The following C1orf146 variants were observed in gnomAD, a reference collection of about 807,000 sequenced individuals.
C1orf146 encodes the protein chromosome 1 open reading frame 146.
A neutral mutation model predicts 23.0 loss-of-function variants in C1orf146; 22 were observed. That is an observed-to-expected ratio of 0.96 (90% confidence interval 0.68 to 1.36). The LOEUF is 1.36. Among genes scored for constraint, C1orf146 ranks in the 40% most tolerant of loss-of-function variants. The pLI, the probability that C1orf146 is intolerant of heterozygous loss-of-function variation, is 0.00. For missense variants in C1orf146, 199 were observed against 206.8 expected, an observed-to-expected ratio of 0.96 and a Z score of 0.23; for synonymous variants, 59 against 65.3, an observed-to-expected ratio of 0.90 and a Z score of 0.47.
rs542635372 is a variant in C1orf146 at position 92,238,406 on chromosome 1, T to C, written c.67-3806T>C. ...AGAGACTTTAATATGCTCAAATGCA[T>C]TGTAAAACCCCAAAAAGAGATGAGA... On this transcript the variant is annotated intron_variant, in intron 2 of 5. Coordinates refer to ENST00000370375, the MANE Select transcript of C1orf146 (RefSeq NM_001012425.2). Among the ~76,000 whole-genome samples the C allele has an allele frequency of 8.5e-5, 13 of 152,348 alleles. No individual in the cohort carries two copies. In the East Asian group the frequency reaches 2.5e-3, roughly 29 times the overall value.
At chr1:92,219,499 T>TC (rs1199233850) in intron 1 of C1orf146, among the ~76,000 whole-genome samples, 1 of 125,262 alleles carries the variant, frequency 8.0e-6, no homozygotes. Flanking sequence ...TCTCTTTCTT[T>TC]TTTTTTTTTT....
chr1:92,236,657 C>T (rs1652284507), intron 2 of C1orf146, among the ~76,000 whole-genome samples: 1 of 152,086 alleles, frequency 6.6e-6, no homozygotes, highest in South Asian at 2.1e-4. Context: ...TGTTGGCCTG[C>T]CTTGCTAGAT....
At chr1:92,230,076 GTTC>G (rs1652074453) in intron 1 of C1orf146, among the ~76,000 whole-genome samples, 2 of 142,434 alleles carry the variant, frequency 1.4e-5, no homozygotes, top group African/African-American at 5.2e-5. Context: ...TGTTGTTGTT[GTTC>G]TGCAGAATAT....
intron 1 of C1orf146, among the ~76,000 whole-genome samples, chr1:92,226,674 T>C (rs771768917): frequency 1.3e-5 from 2 of 152,206 alleles, no homozygotes; most frequent in African/African-American, 4.8e-5. Context: ...GTAGTTAAAG[T>C]GTTTTTATTG....
Position 92,222,732 on chromosome 1 carries a change from G to A in C1orf146, c.-40+4684G>A, listed in dbSNP as rs559891962. 3.3e-5 allele frequency among the ~76,000 whole-genome samples: 5 copies of A among 151,374 alleles called. No individual in the cohort carries two copies. In the East Asian group the frequency reaches 5.8e-4, roughly 18 times the overall value. On this transcript the variant is annotated intron_variant, in intron 1 of 5. Transcript: ENST00000370375. ...CTCCCGAGTAGCTGGGACTACAGGC[G>A]CCTGCCACCACGCCCGGCTAATTTT...
chr1:92,242,144 T>G, intron 2 of C1orf146, 68 bp from the exon 3 acceptor site: 1 of 787,972 alleles, frequency 1.3e-6, no homozygotes, highest in East Asian at 2.8e-5. Flanking sequence ...AACTTTTAAT[T>G]TTTTCTTTAG....
intron 2 of C1orf146, chr1:92,240,681 T>C (rs549354160): frequency 6.3e-6 from 1 of 158,138 alleles, no homozygotes; most frequent in East Asian, 1.9e-4. Flanking sequence ...TTATTTATTA[T>C]TTTTATTTAT....
At position 92,233,997 on chromosome 1, in the gene C1orf146, A is replaced by G. The variant is rs560652100; in HGVS notation, c.66+2511A>G. The stretch of plus-strand genomic sequence containing the variant: ...CTTTGCTGAAGTTGCTTATCAGCTT[A>G]AGGAGATTTTGGGCTGAGACGATGG... On this transcript the variant is annotated intron_variant, in intron 2 of 5. Coordinates refer to ENST00000370375, the MANE Select transcript of C1orf146 (RefSeq NM_001012425.2). Among the ~76,000 whole-genome samples the G allele has an allele frequency of 1.5e-3, 221 of 152,302 alleles. 1 individual carries two copies. Among genetic ancestry groups the G allele is most frequent in the South Asian group, 2.7e-3 (13 of 4,830 alleles).
At chr1:92,236,781 C>A (rs1652288253) in intron 2 of C1orf146, among the ~76,000 whole-genome samples, 1 of 152,188 alleles carries the variant, frequency 6.6e-6, no homozygotes, top group African/African-American at 2.4e-5. Flanking sequence ...CACATAGTCC[C>A]ATATTTCTTG....
intron 2 of C1orf146, among the ~76,000 whole-genome samples, chr1:92,241,927 T>A (rs142651537): frequency 7.0e-4 from 106 of 152,326 alleles, no homozygotes; most frequent in African/African-American, 2.3e-3. Context: ...TTGCATTTGC[T>A]CTGGTTTATA....
chr1:92,235,765 C>A (rs1302043794), intron 2 of C1orf146, among the ~76,000 whole-genome samples: 1 of 152,012 alleles, frequency 6.6e-6, no homozygotes, highest in Non-Finnish European at 1.5e-5. Context: ...GTAGGTCACT[C>A]AGGACTTGCT....
intron 5 of C1orf146, among the ~76,000 whole-genome samples, chr1:92,245,338 A>G (rs1356957764): frequency 6.6e-6 from 1 of 152,068 alleles, no homozygotes; most frequent in Non-Finnish European, 1.5e-5. Context: ...TATATATTCT[A>G]CTTTTTGGCT....
At chr1:92,230,615 C>CAAA (rs758993794) in intron 1 of C1orf146, among the ~76,000 whole-genome samples, 1 of 123,320 alleles carries the variant, frequency 8.1e-6, no homozygotes, top group African/African-American at 3.0e-5. Context: ...GATTCCGTCT[C>CAAA]AAAAAAAAAA....
intron 2 of C1orf146, among the ~76,000 whole-genome samples, chr1:92,237,792 A>G (rs1290640028): frequency 6.6e-6 from 1 of 152,122 alleles, no homozygotes; most frequent in Non-Finnish European, 1.5e-5. Context: ...GTTAAGTTGA[A>G]CTTTATGAAA....
chr1:92,240,840 C>T (rs964627839), intron 2 of C1orf146: 3 of 437,622 alleles, frequency 6.9e-6, no homozygotes, highest in Non-Finnish European at 1.4e-5. Flanking sequence ...AAATTTTAAC[C>T]TATCAGGAAA....
chr1:92,219,468 T>TA (rs1469099870), intron 1 of C1orf146, among the ~76,000 whole-genome samples: 1 of 147,350 alleles, frequency 6.8e-6, no homozygotes, highest in African/African-American at 2.5e-5. Context: ...GATACTAACT[T>TA]ACCATCACTG....
intron 1 of C1orf146, among the ~76,000 whole-genome samples, chr1:92,224,175 C>T (rs750175241): frequency 7.6e-4 from 115 of 151,654 alleles, no homozygotes; most frequent in Non-Finnish European, 1.2e-3. Flanking sequence ...CTCAGCCTCC[C>T]GAGGAGCTGG....
At chr1:92,222,613 G>A (rs988787333) in intron 1 of C1orf146, among the ~76,000 whole-genome samples, 11 of 134,760 alleles carry the variant, frequency 8.2e-5, no homozygotes, top group African/African-American at 2.8e-4. Context: ...TTGAGACGGA[G>A]TCTTGCTCTG....
chr1:92,233,360 A>G (rs1467983910), intron 2 of C1orf146, among the ~76,000 whole-genome samples: 2 of 151,704 alleles, frequency 1.3e-5, no homozygotes, highest in Admixed American at 1.3e-4. Flanking sequence ...CATTTATTAA[A>G]TAGGGAATCC....
Sources: allele counts gnomAD v4.1 joint callset (sites outside exome capture counted in the v4.1 genomes callset), GRCh38; gene constraint gnomAD v4.1.1; transcripts MANE v1.5; gene names NCBI Gene and HGNC (gene_info 2026-07-23, HGNC 2026-07-21).